NARS2: variants seen among roughly 807,000 people sequenced by gnomAD.
NARS2 encodes asparaginyl-tRNA synthetase.
NARS2 carries 60 observed loss-of-function variants against 62.9 expected under a neutral mutation model. The ratio of observed to expected loss-of-function variants is 0.95; its 90% CI spans 0.77 to 1.18. The LOEUF (loss-of-function observed/expected upper bound fraction) is 1.18. Ranked by LOEUF, NARS2 falls within the 50% of genes most tolerant of loss-of-function variation. The probability of loss-of-function intolerance (pLI) is 0.00; values close to 1 mark genes in which losing one functional copy is unlikely to be tolerated. For missense variants in NARS2, 619 were observed against 576.4 expected (o/e 1.07, Z -0.76); for synonymous variants, 196 against 200.0 (o/e 0.98, Z 0.17).
chr11:78,510,788 C>A (rs146164779), intron 6 of NARS2, among the ~76,000 whole-genome samples: 2 of 152,036 alleles, frequency 1.3e-5, no homozygotes, highest in African/African-American at 2.4e-5. Context: ...AAAAAGAGAA[C>A]GAATTAACAA....
At chr11:78,453,332 T>A (rs986172268) in intron 11 of NARS2, among the ~76,000 whole-genome samples, 6 of 152,200 alleles carry the variant, frequency 3.9e-5, no homozygotes, top group Non-Finnish European at 7.3e-5. Flanking sequence ...TGCAGTGGCA[T>A]GCTGTCTAGA....
chr11:78,450,417 G>A (rs1857926195), intron 11 of NARS2, among the ~76,000 whole-genome samples: 2 of 152,148 alleles, frequency 1.3e-5, no homozygotes, highest in African/African-American at 4.8e-5. Flanking sequence ...ATGGTATGCA[G>A]GAGGAACACA....
At chr11:78,557,832 C>A (rs7930161) in intron 5 of NARS2, among the ~76,000 whole-genome samples, 114,438 of 147,620 alleles carry the variant, frequency 0.78, 44,689 homozygotes, top group Non-Finnish European at 0.81. Flanking sequence ...ATATATATAT[C>A]TCTCTTATAT....
intron 7 of NARS2, 36 bp downstream of exon 7, chr11:78,493,027 C>A: frequency 6.4e-7 from 1 of 1,558,754 alleles, no homozygotes; most frequent in South Asian, 1.2e-5. Context: ...ATTTTAATGT[C>A]ACAGATACCT....
chr11:78,502,464 T>C (rs553314764), intron 6 of NARS2, among the ~76,000 whole-genome samples: 9 of 152,348 alleles, frequency 5.9e-5, no homozygotes, highest in Admixed American at 1.3e-4. Context: ...CATATAACTT[T>C]ACTTTTTAAC....
chr11:78,444,728 A>AAAAC (rs986027151), intron 11 of NARS2, among the ~76,000 whole-genome samples: 7 of 95,554 alleles, frequency 7.3e-5, no homozygotes, highest in African/African-American at 2.8e-4. Flanking sequence ...CAAACAAAAC[A>AAAAC]AAAAAAAAAA....
At chr11:78,452,207 A>G (rs947633343) in intron 11 of NARS2, among the ~76,000 whole-genome samples, 5 of 151,838 alleles carry the variant, frequency 3.3e-5, no homozygotes, top group Non-Finnish European at 7.4e-5. Flanking sequence ...TCCCAGGTTC[A>G]AGAGATTTTC....
intron 9 of NARS2, among the ~76,000 whole-genome samples, chr11:78,477,131 T>C (rs547054201): frequency 2.0e-5 from 3 of 152,290 alleles, no homozygotes; most frequent in South Asian, 4.1e-4. Flanking sequence ...GCTGGAAAAC[T>C]AAGATCCTTC....
chr11:78,447,164 A>G (rs1364523803), intron 11 of NARS2, among the ~76,000 whole-genome samples: 1 of 141,464 alleles, frequency 7.1e-6, no homozygotes, highest in Non-Finnish European at 1.5e-5. Flanking sequence ...CACACCTGTT[A>G]GTGTTTTTTT....
intron 6 of NARS2, among the ~76,000 whole-genome samples, chr11:78,520,812 T>A (rs1398236040): frequency 6.6e-6 from 1 of 151,970 alleles, no homozygotes; most frequent in Non-Finnish European, 1.5e-5. Context: ...TCCCAACACT[T>A]TGGGAGGCCG....
chr11:78,458,266 TGA>T (rs1565210531), intron 11 of NARS2, among the ~76,000 whole-genome samples: 1 of 152,112 alleles, frequency 6.6e-6, no homozygotes, highest in Non-Finnish European at 1.5e-5. Flanking sequence ...CAACTAAACA[TGA>T]AAGGGGAAAA....
At chr11:78,542,390 C>T (rs1293611976) in intron 5 of NARS2, among the ~76,000 whole-genome samples, 1 of 152,176 alleles carries the variant, frequency 6.6e-6, no homozygotes, top group African/African-American at 2.4e-5. Flanking sequence ...AAACAGCAAA[C>T]TTATTCCTAA....
At chr11:78,438,824 G>A (rs747114789) in intron 13 of NARS2, among the ~76,000 whole-genome samples, 2 of 152,146 alleles carry the variant, frequency 1.3e-5, no homozygotes, top group Non-Finnish European at 2.9e-5. Flanking sequence ...TGGAACACTA[G>A]CAGACATCAC....
intron 11 of NARS2, among the ~76,000 whole-genome samples, chr11:78,449,876 T>C (rs1857904038): frequency 6.6e-6 from 1 of 152,164 alleles, no homozygotes; most frequent in Non-Finnish European, 1.5e-5. Context: ...GAACCACTAG[T>C]TTAAAACAAT....
chr11:78,530,712 C>T (rs7127968), intron 5 of NARS2, among the ~76,000 whole-genome samples: 2,330 of 152,220 alleles, frequency 0.015, 61 homozygotes, highest in African/African-American at 0.053. Flanking sequence ...AGTGATCTGC[C>T]GGCCTCAGCC....
chr11:78,507,889 T>G (rs537384518), intron 6 of NARS2, among the ~76,000 whole-genome samples: 1 of 151,716 alleles, frequency 6.6e-6, no homozygotes, highest in South Asian at 2.1e-4. Flanking sequence ...AGGGGAAAAA[T>G]AAATCCACAG....
At chr11:78,550,525 T>C (rs957773231) in intron 5 of NARS2, among the ~76,000 whole-genome samples, 19 of 152,160 alleles carry the variant, frequency 1.2e-4, no homozygotes, top group African/African-American at 3.9e-4. Flanking sequence ...TGTCTTTTGA[T>C]AGTCATTAGG....
intron 11 of NARS2, among the ~76,000 whole-genome samples, chr11:78,450,666 C>CT (rs781420225): frequency 0.02 from 1,983 of 101,448 alleles, 44 homozygotes; most frequent in African/African-American, 0.047. Flanking sequence ...AAAGCCTTGT[C>CT]TTTTTTTTTT....
chr11:78,467,487 A>G (rs902520973), intron 10 of NARS2, among the ~76,000 whole-genome samples: 3 of 152,114 alleles, frequency 2.0e-5, no homozygotes, highest in East Asian at 1.9e-4. Flanking sequence ...GCAGTGAGCC[A>G]TGTTTGCACC....
Sources: allele counts gnomAD v4.1 joint callset (sites outside exome capture counted in the v4.1 genomes callset), GRCh38; gene constraint gnomAD v4.1.1; transcripts MANE v1.5; gene names NCBI Gene and HGNC (gene_info 2026-07-23, HGNC 2026-07-21).